Variants in ECPAS observed in about 807,000 individuals in gnomAD.
ECPAS encodes proteasome adapter and scaffold protein ECM29.
A neutral mutation model predicts 255.1 loss-of-function variants in ECPAS; 70 were observed. The ratio of observed to expected loss-of-function variants is 0.27; its 90% confidence interval spans 0.23 to 0.33. The LOEUF (loss-of-function observed/expected upper bound fraction) is 0.33, where lower values mean the gene tolerates loss of function less well. ECPAS is among the 10% of genes least tolerant of loss of function. ECPAS has a pLI of 1.00. For synonymous variants in ECPAS, 784 were observed against 775.0 expected (o/e 1.01, Z -0.19); for missense variants, 1,817 against 2,206.4 (o/e 0.82, Z 3.54).
chr9:111,397,779 G>C lies in ECPAS; in HGVS notation c.2653-626C>G, dbSNP rs185587523. Among the ~76,000 whole-genome samples, 6 of 152,200 alleles carry C rather than the reference G, an allele frequency of 3.9e-5. No homozygotes were observed. In the East Asian group the frequency reaches 9.7e-4, roughly 24 times the overall value. ...TTACTTTTAAGTGGCTCAGAAAAAA[G>C]AGAATAATAAAGCATATGTGAAATG... On this transcript the variant is annotated intron_variant, in intron 24 of 49. Transcript: ENST00000684092.
At position 111,379,386 on chromosome 9, in the gene ECPAS, A is replaced by T. The variant is rs925131107; in HGVS notation, c.3804-656T>A. Among the ~76,000 whole-genome samples the T allele has an allele frequency of 2.0e-5, 3 of 152,260 alleles. No homozygotes were observed. In the East Asian group the frequency reaches 5.8e-4, roughly 29 times the overall value. ...AATAGCATTATGTCTAAAATAAAGT[A>T]CATTAGTTAACTTTAAAATATCTTA... On this transcript the variant is annotated intron_variant, in intron 35 of 49. Transcript: ENST00000684092.
chr9:111,394,392 C>T, intron 25 of ECPAS, 87 bp from the exon 26 acceptor site: 1 of 1,213,264 alleles, frequency 8.2e-7, no homozygotes. Flanking sequence ...AACATTTACT[C>T]AACAGAACAA....
At chr9:111,365,624 C>T (rs1348513519) in intron 48 of ECPAS, 1 of 152,646 alleles carries the variant, frequency 6.6e-6, no homozygotes, top group Admixed American at 6.5e-5. Context: ...TGAGATCACA[C>T]CACTGCACTC....
At chr9:111,457,492 G>T (rs931358385) in intron 2 of ECPAS, among the ~76,000 whole-genome samples, 3 of 152,182 alleles carry the variant, frequency 2.0e-5, no homozygotes, top group African/African-American at 4.8e-5. Flanking sequence ...CTCTGCCATT[G>T]TAACAGGAGG....
chr9:111,427,566 C>T (rs2098223604), intron 10 of ECPAS, among the ~76,000 whole-genome samples: 1 of 152,180 alleles, frequency 6.6e-6, no homozygotes, highest in South Asian at 2.1e-4. Context: ...CAGATTTTTT[C>T]AGATTTTGGA....
intron 48 of ECPAS, among the ~76,000 whole-genome samples, chr9:111,364,343 A>T: frequency 6.6e-6 from 1 of 152,236 alleles, no homozygotes; most frequent in East Asian, 1.9e-4. Flanking sequence ...CACAGGAGGC[A>T]GCTTGAAAGG....
chr9:111,447,259 G>A (rs1035754661), intron 3 of ECPAS, among the ~76,000 whole-genome samples: 1 of 151,780 alleles, frequency 6.6e-6, no homozygotes, highest in Non-Finnish European at 1.5e-5. Context: ...GCAGTAGCTG[G>A]GACTATAAGC....
rs1259194814 is a variant in ECPAS, at chr9:111,361,240, G to A, written c.*790C>T. 1 of 152,162 alleles carries A rather than the reference G, an allele frequency of 6.6e-6. No homozygotes were observed. The highest frequency in any genetic ancestry group is 2.4e-5 in the African/African-American group (1 of 41,426). 9.4% of individuals were successfully genotyped at this position (152,162 alleles called of 1,614,324 possible). ...AGCCACAGACACAGATAGAATGTGT[G>A]ATCTTGTCCTAATCTACTTTATCCA... On this transcript the variant is annotated 3_prime_UTR_variant, in exon 50 of 50. Coordinates refer to ENST00000684092, the MANE Select transcript of ECPAS (RefSeq NM_001364929.1).
In ECPAS at chr9:111,371,688, G is replaced by A. The variant is rs2098127553; in HGVS notation, c.4670C>T (p.Pro1557Leu). Residue 1557 changes from proline (P) to leucine (L), a missense_variant, in exon 43 of 50, where the codon CCT (proline) becomes CTT (leucine). Pro to Leu is a moderately conservative substitution (Grantham distance 98). Coordinates refer to ENST00000684092, the MANE Select transcript of ECPAS (RefSeq NM_001364929.1). The stretch of plus-strand genomic sequence containing the variant: ...GGTCAGTATCATTCCGAGATATGGA[G>A]GTACTAGAGAGCTAGTCTGTTTTGC... ...SIAKQTSSLV[P>L]PYLGMILTAL... 1 of 1,613,774 alleles carries A rather than the reference G, an allele frequency of 6.2e-7. No homozygotes were observed. Among genetic ancestry groups the A allele is most frequent in the African/African-American group, 1.3e-5 (1 of 74,912 alleles).
In ECPAS at chr9:111,372,460, T is replaced by C. The variant is rs746309994; in HGVS notation, c.4497A>G (p.Leu1499=). Residue 1499 remains leucine (L), a synonymous_variant, in exon 42 of 50, where the codon TTA becomes TTG. Transcript: ENST00000684092. ...CGTTTTCCTGCCACACTTCGGTCCA[T>C]AAATTACATTCTTCTTTTTCGGATT... is the stretch of plus-strand genomic sequence containing the variant. The part of the protein sequence containing the change: ...EEKSEKEECN[L]WTEVWQENVP... The C allele has an allele frequency of 2.4e-5, 38 of 1,613,900 alleles. No homozygotes were observed. Among genetic ancestry groups the C allele is most frequent in the Non-Finnish European group, 3.2e-5 (38 of 1,179,784 alleles).
rs1039193244 is a variant in ECPAS, at chr9:111,472,976, G to A, written c.-58C>T. 7 of 1,177,198 alleles carry A rather than the reference G, an allele frequency of 5.9e-6. No individual in the cohort carries two copies. The highest frequency in any genetic ancestry group is 1.7e-5 in the African/African-American group (1 of 60,462). The allele number at this position is 1,177,198 out of a possible 1,614,324, so 72.9% of individuals were successfully genotyped here. ...TCACCAATGGTACGTTCATCCACTC[G>A]TACATATGCAATTGTATAAAGAATC... On this transcript the variant is annotated 5_prime_UTR_variant, in exon 2 of 50. It adds an upstream start codon to the 5' untranslated region. Transcript: ENST00000684092.
In ECPAS at chr9:111,389,779, T is replaced by C. The variant is rs910257274; in HGVS notation, c.3280-56A>G. On this transcript the variant is annotated intron_variant, in intron 30 of 49. Transcript: ENST00000684092. ...GCACCATTATAGTAAAATATTAACA[T>C]AGCAAAAAATTCTCCCTCCAAACTT... 18 of 1,512,744 alleles carry C rather than the reference T, an allele frequency of 1.2e-5. No homozygotes were observed. The East Asian group carries it at 3.4e-4, about 29-fold the overall frequency. The allele number at this position is 1,512,744 out of a possible 1,614,324, so 93.7% of individuals were successfully genotyped here. A position where few individuals can be genotyped will look rare whatever the true frequency, so the allele number is the denominator to read the frequency against.
At position 111,411,025 on chromosome 9, in the gene ECPAS, G is replaced by C; in HGVS notation, c.2332C>G (p.Leu778Val). The C allele has an allele frequency of 6.2e-7, 1 of 1,613,874 alleles. No homozygotes were observed. The highest frequency in any genetic ancestry group is 8.5e-7 in the Non-Finnish European group (1 of 1,179,822). ...TGAATGAGTTCCTCTTGATCAGGGA[G>C]GGTGTCAGCATTTCTCTCCAGGTCT... ...QQDLERNADT[L>V]PDQEELIQSA... The change falls in exon 22 of 50, where the codon CTC becomes GTC. Residue 778 changes from leucine (L) to valine (V), a missense_variant. Leu to Val is a conservative substitution (Grantham distance 32). Coordinates refer to ENST00000684092, the MANE Select transcript of ECPAS (RefSeq NM_001364929.1).
In ECPAS at chr9:111,412,861, C is replaced by G. The variant is rs555293973; in HGVS notation, c.2080-713G>C. Among the ~76,000 whole-genome samples the G allele has an allele frequency of 4.3e-3, 652 of 152,168 alleles. 6 individuals carry two copies. The highest frequency in any genetic ancestry group is 6.6e-3 in the Non-Finnish European group (447 of 68,008). ...TTCACACTTAAAGACATAATTTTTA[C>G]ATTTTTACCATCATTCAAGCTGTAT... On this transcript the variant is annotated intron_variant, in intron 20 of 49. Coordinates refer to ENST00000684092, the MANE Select transcript of ECPAS (RefSeq NM_001364929.1).
At chr9:111,452,498 G>C (rs1449180663) in intron 2 of ECPAS, among the ~76,000 whole-genome samples, 1 of 152,108 alleles carries the variant, frequency 6.6e-6, no homozygotes, top group African/African-American at 2.4e-5. Flanking sequence ...CGAAATAACA[G>C]CTAGTAGAAT....
intron 2 of ECPAS, among the ~76,000 whole-genome samples, chr9:111,456,133 TTAAC>T (rs766629176): frequency 1.3e-5 from 2 of 152,224 alleles, no homozygotes; most frequent in African/African-American, 2.4e-5. Flanking sequence ...TAAAATCTTC[TTAAC>T]TATGTAATAA....
chr9:111,385,118 G>A lies in ECPAS; in HGVS notation c.3633+219C>T, dbSNP rs116048945. The stretch of plus-strand genomic sequence containing the variant: ...AATCATGAGATCTCTATTGAAAGAA[G>A]GTATACAGCCACCTTTTTTTTCCCT... On this transcript the variant is annotated intron_variant, in intron 33 of 49. Transcript: ENST00000684092. Among the ~76,000 whole-genome samples the A allele has an allele frequency of 2.3e-3, 351 of 152,130 alleles. 4 individuals carry two copies. The highest frequency in any genetic ancestry group is 8.3e-3 in the African/African-American group (344 of 41,510).
At chr9:111,464,959 G>A (rs1429612144) in intron 2 of ECPAS, among the ~76,000 whole-genome samples, 1 of 152,034 alleles carries the variant, frequency 6.6e-6, no homozygotes, top group Non-Finnish European at 1.5e-5. Context: ...CAAGGCCAGT[G>A]GATCACCTGA....
At chr9:111,454,245 A>C (rs1294277301) in intron 2 of ECPAS, among the ~76,000 whole-genome samples, 3 of 146,806 alleles carry the variant, frequency 2.0e-5, no homozygotes, top group African/African-American at 7.5e-5. Flanking sequence ...GCAGAAAATT[A>C]AACTCTTCAT....
Sources: allele counts gnomAD v4.1 joint callset (sites outside exome capture counted in the v4.1 genomes callset), GRCh38; gene constraint gnomAD v4.1.1; transcripts MANE v1.5; gene names NCBI Gene and HGNC (gene_info 2026-07-23, HGNC 2026-07-21).